RAPGEF5: variants seen among roughly 807,000 people sequenced by gnomAD.
RAPGEF5 encodes the protein M-Ras-regulated GEF.
In RAPGEF5, 65 loss-of-function variants were observed where a neutral mutation model predicts 125.2. The observed-to-expected ratio is 0.52, with a 90% CI of 0.43 to 0.64. The LOEUF (loss-of-function observed/expected upper bound fraction) is 0.64. RAPGEF5 is among the 30% of genes least tolerant of loss of function. The pLI is 0.00. For missense variants in RAPGEF5, 958 were observed against 1,048.1 expected, an observed-to-expected ratio of 0.91 and a Z score of 1.19; for synonymous variants, 391 against 385.9, an observed-to-expected ratio of 1.01 and a Z score of -0.16.
intron 9 of RAPGEF5, among the ~76,000 whole-genome samples, chr7:22,203,642 G>A (rs1227821855): frequency 2.0e-5 from 3 of 152,156 alleles, no homozygotes; most frequent in Admixed American, 6.5e-5. Context: ...GCAGAGACTC[G>A]GAGGTACATC....
chr7:22,152,753 C>T (rs368441210), intron 17 of RAPGEF5, among the ~76,000 whole-genome samples: 15 of 152,114 alleles, frequency 9.9e-5, no homozygotes, highest in African/African-American at 3.4e-4. Flanking sequence ...AATTATGTAA[C>T]TAGAACAAGG....
intron 11 of RAPGEF5, among the ~76,000 whole-genome samples, chr7:22,188,793 G>C (rs1345258523): frequency 2.7e-5 from 4 of 150,494 alleles, no homozygotes; most frequent in Non-Finnish European, 4.4e-5. Flanking sequence ...AAGTCACTAG[G>C]TTGACCATCA....
At chr7:22,161,067 G>A (rs2128111530) in intron 13 of RAPGEF5, among the ~76,000 whole-genome samples, 1 of 151,960 alleles carries the variant, frequency 6.6e-6, no homozygotes, top group East Asian at 1.9e-4. Flanking sequence ...AATTAGCCAT[G>A]CGTGGTAGCG....
At chr7:22,164,356 T>G (rs1784096337) in intron 12 of RAPGEF5, among the ~76,000 whole-genome samples, 1 of 152,152 alleles carries the variant, frequency 6.6e-6, no homozygotes, top group African/African-American at 2.4e-5. Flanking sequence ...TTATTTCCCC[T>G]TAAACAAATG....
intron 24 of RAPGEF5, among the ~76,000 whole-genome samples, chr7:22,130,524 T>C (rs888460243): frequency 6.6e-6 from 1 of 151,878 alleles, no homozygotes; most frequent in Admixed American, 6.6e-5. Context: ...GATAAAGGAG[T>C]GGCCCTTCCC....
intron 6 of RAPGEF5, among the ~76,000 whole-genome samples, chr7:22,277,273 G>C (rs901115156): frequency 6.6e-6 from 1 of 152,102 alleles, no homozygotes; most frequent in African/African-American, 2.4e-5. Flanking sequence ...GCTGTGCCCT[G>C]GCAGCTTCTG....
At chr7:22,286,553 T>C (rs985962179) in intron 6 of RAPGEF5, among the ~76,000 whole-genome samples, 5 of 152,242 alleles carry the variant, frequency 3.3e-5, no homozygotes, top group Non-Finnish European at 5.9e-5. Context: ...GAGATGGAAG[T>C]CTAGAATACG....
chr7:22,119,086 A>T lies in RAPGEF5; in HGVS notation c.*3320T>A, dbSNP rs1782496270. ...TGGATTGGCTGCGCCATTTAGGAACATTCAGTTCCGGATCTGCGGTGTCTG... is the reference window on the plus strand; with the variant it reads ...TGGATTGGCTGCGCCATTTAGGAACTTTCAGTTCCGGATCTGCGGTGTCTG... On this transcript the variant is annotated 3_prime_UTR_variant, in exon 26 of 26. Transcript: ENST00000665637. This position sits in a 1 kb window ranked among gnomAD's most constrained non-coding sequence, Gnocchi z 4.1. 1 of 152,224 alleles carries T rather than the reference A, an allele frequency of 6.6e-6. No individual in the cohort carries two copies. Among genetic ancestry groups the T allele is most frequent in the Admixed American group, 6.5e-5 (1 of 15,290 alleles). 9.4% of individuals were successfully genotyped at this position (152,224 alleles called of 1,614,324 possible). A position where few individuals can be genotyped will look rare whatever the true frequency, so the allele number is the denominator to read the frequency against.
In RAPGEF5 at chr7:22,289,131, G is replaced by A. The variant is rs561341846; in HGVS notation, c.747+2044C>T. Among the ~76,000 whole-genome samples the A allele has an allele frequency of 2.6e-3, 400 of 152,134 alleles. 1 individual carries two copies. Among genetic ancestry groups the A allele is most frequent in the African/African-American group, 9.1e-3 (379 of 41,506 alleles). ...CTTTCTGTTGTGGTCTTGAATTTAC[G>A]ACTTTACTTATTCACCACCTTTCTT... On this transcript the variant is annotated intron_variant, in intron 6 of 25. Transcript: ENST00000665637.
intron 24 of RAPGEF5, among the ~76,000 whole-genome samples, chr7:22,129,335 C>A (rs191852432): frequency 2.0e-5 from 3 of 152,286 alleles, no homozygotes; most frequent in East Asian, 3.9e-4. Flanking sequence ...TTGGACTAGT[C>A]AGGGGAAAGG....
At position 22,308,190 on chromosome 7, in the gene RAPGEF5, T is replaced by A. The variant is rs1457220169; in HGVS notation, c.680+149A>T. On this transcript the variant is annotated intron_variant, in intron 5 of 25. Transcript: ENST00000665637. Reference sequence around the variant, plus strand: ...CTGGATTTAATTTTCTGCAATTTATTTTATCTTTCTAAATGTGCATCTGAA... The same window carrying A: ...CTGGATTTAATTTTCTGCAATTTATATTATCTTTCTAAATGTGCATCTGAA... The A allele has an allele frequency of 4.9e-6, 4 of 809,432 alleles. No individual in the cohort carries two copies. The African/African-American group carries it at 7.2e-5, about 15-fold the overall frequency. 50.1% of individuals were successfully genotyped at this position (809,432 alleles called of 1,614,324 possible). A position where few individuals can be genotyped will look rare whatever the true frequency, so the allele number is the denominator to read the frequency against.
chr7:22,310,120 G>C, intron 3 of RAPGEF5, 30 bp from the exon 4 acceptor site: 1 of 1,483,634 alleles, frequency 6.7e-7, no homozygotes, highest in Non-Finnish European at 8.9e-7. Context: ...TTCACAGTAA[G>C]ATATTGCTGA....
chr7:22,179,352 C>T (rs947035561), intron 11 of RAPGEF5, among the ~76,000 whole-genome samples: 5 of 152,098 alleles, frequency 3.3e-5, no homozygotes, highest in African/African-American at 4.8e-5. Context: ...AAATCAACAG[C>T]TCAAATCAGA....
At chr7:22,232,749 G>A (rs1402037474) in intron 7 of RAPGEF5, among the ~76,000 whole-genome samples, 1 of 152,144 alleles carries the variant, frequency 6.6e-6, no homozygotes. Flanking sequence ...ATAATGCTGT[G>A]CATACAGTAG....
intron 8 of RAPGEF5, among the ~76,000 whole-genome samples, chr7:22,227,792 T>C (rs1467003457): frequency 1.3e-5 from 2 of 152,220 alleles, no homozygotes; most frequent in Admixed American, 6.5e-5. Context: ...CAGCGAGCCA[T>C]GATCGTGCCA....
At chr7:22,240,209 CAAAAA>C (rs35460153) in intron 7 of RAPGEF5, among the ~76,000 whole-genome samples, 1 of 78,920 alleles carries the variant, frequency 1.3e-5, no homozygotes. Flanking sequence ...GACTCCACCT[CAAAAA>C]AAAAAAAAAA....
At chr7:22,125,276 A>G (rs749067727) in intron 25 of RAPGEF5, 5 of 233,316 alleles carry the variant, frequency 2.1e-5, no homozygotes, top group Non-Finnish European at 3.4e-5. Context: ...AGTGATTTTG[A>G]GCCAATGGAC....
chr7:22,137,658 T>C (rs1031304134), intron 21 of RAPGEF5, among the ~76,000 whole-genome samples: 1 of 152,212 alleles, frequency 6.6e-6, no homozygotes, highest in Admixed American at 6.5e-5. Flanking sequence ...ACAGCACATA[T>C]TTAAAGGCAG....
intron 11 of RAPGEF5, 43 bp from the exon 12 acceptor site, chr7:22,167,191 G>T: frequency 6.7e-7 from 1 of 1,487,498 alleles, no homozygotes; most frequent in Non-Finnish European, 9.3e-7. Flanking sequence ...GCAAAGAGGT[G>T]GATAAGAAGA....
Sources: gnomAD v4.1 joint callset for allele counts (sites outside exome capture counted in the v4.1 genomes callset) on GRCh38, gnomAD v4.1.1 for gene constraint, Gnocchi (gnomAD v3.1) non-coding constraint, MANE v1.5 for transcripts, NCBI Gene and HGNC (gene_info 2026-07-23, HGNC 2026-07-21) for gene names.